Variants in DCDC2C observed in about 807,000 individuals in gnomAD.
DCDC2C encodes doublecortin domain-containing protein 2C.
DCDC2C carries 44 observed loss-of-function variants against 45.0 expected under a neutral mutation model. The observed-to-expected ratio is 0.98, with a 90% CI of 0.77 to 1.26. The LOEUF (loss-of-function observed/expected upper bound fraction) is 1.26. DCDC2C is among the 50% of genes most tolerant of loss of function. The probability of loss-of-function intolerance (pLI) is 0.00; values close to 1 mark genes in which losing one functional copy is unlikely to be tolerated. For synonymous variants in DCDC2C, 187 were observed against 178.8 expected (o/e 1.05, Z -0.37); for missense variants, 447 against 468.9 (o/e 0.95, Z 0.43).
At chr2:3,748,486 G>C (rs1669440032) in intron 4 of DCDC2C, among the ~76,000 whole-genome samples, 1 of 152,082 alleles carries the variant, frequency 6.6e-6, no homozygotes, top group Non-Finnish European at 1.5e-5. Context: ...TCCTGACAAG[G>C]GGGAAGTGGG....
At chr2:3,830,210 C>T (rs531153785) in intron 10 of DCDC2C, among the ~76,000 whole-genome samples, 13 of 152,296 alleles carry the variant, frequency 8.5e-5, no homozygotes, top group Non-Finnish European at 1.5e-4. Context: ...TACCTAAATG[C>T]ATCTCTGCAG....
At chr2:3,844,644 T>C (rs1158587601) in intron 10 of DCDC2C, 2 of 152,118 alleles carry the variant, frequency 1.3e-5, no homozygotes, top group African/African-American at 4.8e-5. Flanking sequence ...ACTAAAGAGG[T>C]ATGCTGGTGG....
Position 3,752,908 on chromosome 2 carries a change from T to C in DCDC2C, c.683+8T>C. ...GCCCAGTGAGGTCCAACAGTGAGCATGCTTCGTACCTTTCTTTCCTGAGTT... is the reference window on the plus strand; with the variant it reads ...GCCCAGTGAGGTCCAACAGTGAGCACGCTTCGTACCTTTCTTTCCTGAGTT... On this transcript the variant is annotated splice_region_variant and intron_variant, in intron 5 of 10. Coordinates refer to ENST00000399143, the MANE Select transcript of DCDC2C (RefSeq NM_001287444.2). 1 of 1,549,134 alleles carries C rather than the reference T, an allele frequency of 6.5e-7. No homozygotes were observed. Among genetic ancestry groups the C allele is most frequent in the Non-Finnish European group, 8.7e-7 (1 of 1,146,394 alleles).
intron 10 of DCDC2C, among the ~76,000 whole-genome samples, chr2:3,817,638 G>T (rs1671586933): frequency 6.6e-6 from 1 of 152,204 alleles, no homozygotes; most frequent in African/African-American, 2.4e-5. Context: ...AAACAGTAAG[G>T]TTAAGTTGTT....
At chr2:3,735,971 G>A (rs1054182804) in intron 3 of DCDC2C, among the ~76,000 whole-genome samples, 1 of 151,842 alleles carries the variant, frequency 6.6e-6, no homozygotes, top group Non-Finnish European at 1.5e-5. Context: ...TGCAAATCTT[G>A]TGGAGGGGCA....
At chr2:3,704,197 G>T (rs1482739144) in intron 1 of DCDC2C, 159 bp downstream of exon 1, 3 of 652,404 alleles carry the variant, frequency 4.6e-6, no homozygotes, top group Non-Finnish European at 4.3e-6. Flanking sequence ...GCGTCGGGCC[G>T]CCCCAGGCCA....
chr2:3,778,266 C>A (rs890476453), intron 8 of DCDC2C, among the ~76,000 whole-genome samples: 2 of 152,228 alleles, frequency 1.3e-5, no homozygotes, highest in African/African-American at 2.4e-5. Context: ...CCTGTCCTGA[C>A]TGCTACAGAA....
chr2:3,815,077 A>C (rs2148217693), intron 10 of DCDC2C, among the ~76,000 whole-genome samples: 1 of 152,370 alleles, frequency 6.6e-6, no homozygotes, highest in Non-Finnish European at 1.5e-5. Flanking sequence ...TTGGGAGTTC[A>C]GTAGGCTTAA....
At chr2:3,723,339 G>A (rs1218384873) in intron 2 of DCDC2C, among the ~76,000 whole-genome samples, 1 of 152,216 alleles carries the variant, frequency 6.6e-6, no homozygotes, top group Non-Finnish European at 1.5e-5. Context: ...CTGCAGGTGT[G>A]TGACTGGGCA....
chr2:3,759,902 G>A (rs557619260), intron 6 of DCDC2C, among the ~76,000 whole-genome samples: 5 of 152,310 alleles, frequency 3.3e-5, no homozygotes, highest in South Asian at 2.1e-4. Flanking sequence ...GTGTGATGAC[G>A]ATTTTCCTTG....
At chr2:3,755,828 G>A (rs554890680) in intron 6 of DCDC2C, among the ~76,000 whole-genome samples, 2 of 152,132 alleles carry the variant, frequency 1.3e-5, no homozygotes, top group African/African-American at 2.4e-5. Context: ...GTGTGCATGA[G>A]TACATATGTG....
chr2:3,718,515 G>T (rs1222771355), intron 2 of DCDC2C, among the ~76,000 whole-genome samples: 2 of 152,172 alleles, frequency 1.3e-5, no homozygotes, highest in Non-Finnish European at 2.9e-5. Context: ...CAGACCCCAG[G>T]TTGGTCCCAA....
chr2:3,770,847 G>A (rs1159029834), intron 8 of DCDC2C, among the ~76,000 whole-genome samples: 1 of 152,198 alleles, frequency 6.6e-6, no homozygotes, highest in East Asian at 1.9e-4. Context: ...TTGAGGCAGT[G>A]GAGTGAATTC....
At chr2:3,704,773 A>C (rs1471881637) in intron 1 of DCDC2C, among the ~76,000 whole-genome samples, 1 of 149,618 alleles carries the variant, frequency 6.7e-6, no homozygotes, top group African/African-American at 2.5e-5. Context: ...CGGGTTGGGC[A>C]GTTCCCATTT....
At chr2:3,822,999 G>C (rs182569925) in intron 10 of DCDC2C, among the ~76,000 whole-genome samples, 30 of 152,206 alleles carry the variant, frequency 2.0e-4, no homozygotes, top group Non-Finnish European at 4.1e-4. Flanking sequence ...GTTCCTCCTT[G>C]CCTTCCACCA....
chr2:3,755,270 T>G (rs545383081), intron 6 of DCDC2C, among the ~76,000 whole-genome samples: 2 of 152,052 alleles, frequency 1.3e-5, no homozygotes, highest in African/African-American at 2.4e-5. Flanking sequence ...CGTGTGTACA[T>G]GGATGCATGT....
intron 10 of DCDC2C, among the ~76,000 whole-genome samples, chr2:3,830,867 T>G (rs1671932850): frequency 6.6e-6 from 1 of 152,210 alleles, no homozygotes; most frequent in African/African-American, 2.4e-5. Context: ...ATGTAACTCT[T>G]TTCTGAGAAT....
At chr2:3,757,451 A>G (rs1258259226) in intron 6 of DCDC2C, among the ~76,000 whole-genome samples, 3 of 152,200 alleles carry the variant, frequency 2.0e-5, no homozygotes, top group Non-Finnish European at 4.4e-5. Flanking sequence ...TTTTCTTTTA[A>G]ATTTGCAAGC....
chr2:3,763,228 C>T (rs1194174936), intron 6 of DCDC2C, among the ~76,000 whole-genome samples: 2 of 152,100 alleles, frequency 1.3e-5, no homozygotes, highest in African/African-American at 4.8e-5. Context: ...CTCTGAGATC[C>T]CTCCCTGTCT....
Sources: gnomAD v4.1 joint callset for allele counts (sites outside exome capture counted in the v4.1 genomes callset) on GRCh38, gnomAD v4.1.1 for gene constraint, MANE v1.5 for transcripts, NCBI Gene and HGNC (gene_info 2026-07-23, HGNC 2026-07-21) for gene names.